HYDIN: variants seen among roughly 807,000 people sequenced by gnomAD.
The protein encoded by HYDIN is HYDIN axonemal central pair apparatus protein, also known as axonemal central pair apparatus protein HYDIN.
A neutral mutation model predicts 403.9 loss-of-function variants in HYDIN; 132 were observed. The ratio of observed to expected loss-of-function variants is 0.33; its 90% CI spans 0.28 to 0.38. The LOEUF (loss-of-function observed/expected upper bound fraction) is 0.38. Ranked by LOEUF, HYDIN falls within the 10% of genes least tolerant of loss-of-function variation. The probability of loss-of-function intolerance (pLI) is 1.00; values close to 1 mark genes in which losing one functional copy is unlikely to be tolerated. For synonymous variants in HYDIN, 1,202 were observed against 1,891.7 expected, an observed-to-expected ratio of 0.64 and a Z score of 9.46; for missense variants, 2,827 against 5,009.5, an observed-to-expected ratio of 0.56 and a Z score of 13.15.
At chr16:70,925,216 G>T (rs1453259475) in intron 45 of HYDIN, among the ~76,000 whole-genome samples, 1 of 152,126 alleles carries the variant, frequency 6.6e-6, no homozygotes, top group Non-Finnish European at 1.5e-5. Context: ...TGGGCATGGT[G>T]GCTCATGCCT....
At chr16:70,931,099 A>C in intron 45 of HYDIN, among the ~76,000 whole-genome samples, 1 of 152,142 alleles carries the variant, frequency 6.6e-6, no homozygotes, top group Non-Finnish European at 1.5e-5. Flanking sequence ...TGAAAAATAC[A>C]GTATCTGAAA....
chr16:70,878,645 C>T (rs1326005284), intron 62 of HYDIN, among the ~76,000 whole-genome samples: 6 of 147,480 alleles, frequency 4.1e-5, no homozygotes, highest in African/African-American at 1.1e-4. Flanking sequence ...GTAGTGTGCA[C>T]GTTTTGTTTT....
rs375655236 is a variant in HYDIN at position 70,872,004 on chromosome 16, G to T, written c.11091+33C>A. On this transcript the variant is annotated intron_variant, in intron 65 of 85. Transcript: ENST00000393567. ...GTCTGGGGTTGGCTTAGGACTAAGG[G>T]ATTCCAAAAAATGATGAATGACTTT... 2.1e-4 allele frequency: 330 copies of T among 1,608,956 alleles called. 3 individuals carry two copies. In the East Asian group the frequency reaches 7.3e-3, roughly 36 times the overall value.
chr16:71,053,344 T>G (rs1024494), intron 18 of HYDIN, among the ~76,000 whole-genome samples: 1 of 152,270 alleles, frequency 6.6e-6, no homozygotes, highest in Non-Finnish European at 1.5e-5. Flanking sequence ...TATTTGTATA[T>G]ACCCAAAAAC....
intron 41 of HYDIN, among the ~76,000 whole-genome samples, 189 bp from the exon 42 acceptor site, chr16:70,944,138 A>G (rs1245125153): frequency 6.6e-6 from 1 of 152,260 alleles, no homozygotes; most frequent in Non-Finnish European, 1.5e-5. Context: ...TCAAGTGGGA[A>G]TAGCATGGAA....
At chr16:71,157,608 A>C (rs1291200008) in intron 6 of HYDIN, among the ~76,000 whole-genome samples, 1 of 152,246 alleles carries the variant, frequency 6.6e-6, no homozygotes, top group Non-Finnish European at 1.5e-5. Context: ...CAGAAAAGGG[A>C]CTGACTGGTA....
intron 83 of HYDIN, among the ~76,000 whole-genome samples, chr16:70,821,339 G>C (rs1457868149): frequency 6.6e-6 from 1 of 151,616 alleles, no homozygotes; most frequent in East Asian, 1.9e-4. Flanking sequence ...TTTCCCTTCA[G>C]ACTGAAGAAG....
chr16:70,982,700 T>C (rs912033507), intron 28 of HYDIN, among the ~76,000 whole-genome samples: 5 of 148,418 alleles, frequency 3.4e-5, no homozygotes, highest in African/African-American at 1.3e-4. Flanking sequence ...AGCTGCTCCA[T>C]CCTTTTTAGT....
At chr16:71,181,648 GA>G (rs1049936677) in intron 3 of HYDIN, among the ~76,000 whole-genome samples, 2 of 151,538 alleles carry the variant, frequency 1.3e-5, no homozygotes, top group South Asian at 2.1e-4. Flanking sequence ...GAGCATAATG[GA>G]AAAAAAAGTC....
At chr16:70,850,760 A>G (rs1257848864) in intron 73 of HYDIN, 105 bp from the exon 74 acceptor site, 1 of 1,084,334 alleles carries the variant, frequency 9.2e-7, no homozygotes, top group Non-Finnish European at 1.3e-6. Flanking sequence ...GGAAAAGGAA[A>G]CTCCAAATTA....
intron 75 of HYDIN, among the ~76,000 whole-genome samples, chr16:70,849,240 T>TGG (rs1218137489): frequency 2.0e-5 from 3 of 152,162 alleles, no homozygotes; most frequent in Non-Finnish European, 4.4e-5. Context: ...ACTGCCTTTA[T>TGG]GGGTATTCAG....
At chr16:71,022,742 G>T (rs1006759632) in intron 21 of HYDIN, among the ~76,000 whole-genome samples, 1 of 146,132 alleles carries the variant, frequency 6.8e-6, no homozygotes, top group Non-Finnish European at 1.5e-5. Flanking sequence ...TCTCATCTTT[G>T]TGGGGAAGGA....
At chr16:71,115,295 T>G (rs1281464397) in intron 10 of HYDIN, among the ~76,000 whole-genome samples, 1 of 152,218 alleles carries the variant, frequency 6.6e-6, no homozygotes, top group Non-Finnish European at 1.5e-5. Context: ...TGCTGCCTTG[T>G]GAAGAAGGTG....
chr16:70,872,476 T>C (rs2040186320), intron 64 of HYDIN, among the ~76,000 whole-genome samples: 2 of 133,928 alleles, frequency 1.5e-5, no homozygotes, highest in African/African-American at 2.8e-5. Context: ...ATCCATCCAT[T>C]ATCCACCCAT....
chr16:71,193,263 C>G (rs1157506672), intron 1 of HYDIN, among the ~76,000 whole-genome samples: 1 of 152,200 alleles, frequency 6.6e-6, no homozygotes, highest in Non-Finnish European at 1.5e-5. Flanking sequence ...CAAAACACTT[C>G]TCAGAGGAAC....
At chr16:70,826,881 C>G (rs1182113009) in intron 83 of HYDIN, among the ~76,000 whole-genome samples, 1 of 108,926 alleles carries the variant, frequency 9.2e-6, no homozygotes, top group East Asian at 2.5e-4. Flanking sequence ...ATCTTTAGTC[C>G]CGACCTCTCC....
At chr16:71,223,129 T>C (rs368759911) in intron 1 of HYDIN, among the ~76,000 whole-genome samples, 4 of 152,130 alleles carry the variant, frequency 2.6e-5, no homozygotes, top group East Asian at 1.9e-4. Flanking sequence ...AATGGGCACA[T>C]AGACCAATAG....
chr16:70,974,309 A>T lies in HYDIN; in HGVS notation c.4910-9T>A. The T allele has an allele frequency of 6.4e-7, 1 of 1,555,024 alleles. No individual in the cohort carries two copies. Among genetic ancestry groups the T allele is most frequent in the Non-Finnish European group, 8.6e-7 (1 of 1,156,428 alleles). On this transcript the variant is annotated splice_polypyrimidine_tract_variant and intron_variant, in intron 32 of 85. Transcript: ENST00000393567. ...TAGCTCAGTACTGAATCCTGGACCA[A>T]GACAAAAAAAAATTTCTTCATGGAA... is the stretch of plus-strand genomic sequence containing the variant.
At chr16:70,956,825 T>C (rs533804088) in intron 39 of HYDIN, among the ~76,000 whole-genome samples, 1,580 of 151,930 alleles carry the variant, frequency 0.01, 20 homozygotes, top group African/African-American at 0.037. Flanking sequence ...TGTGAAGCCA[T>C]GAAGTCTGTG....
Sources: allele counts gnomAD v4.1 joint callset (sites outside exome capture counted in the v4.1 genomes callset), GRCh38; gene constraint gnomAD v4.1.1; transcripts MANE v1.5; gene names NCBI Gene and HGNC (gene_info 2026-07-23, HGNC 2026-07-21).